CCDC141: variants seen among roughly 807,000 people sequenced by gnomAD.
CCDC141 encodes coiled-coil domain-containing protein 141.
In CCDC141, 168 loss-of-function variants were observed where a neutral mutation model predicts 181.0. The ratio of observed to expected loss-of-function variants is 0.93; its 90% confidence interval spans 0.82 to 1.05. CCDC141 has a LOEUF of 1.05. CCDC141 is among the 50% of genes least tolerant of loss of function. CCDC141 has a pLI of 0.00. For missense variants in CCDC141, 1,902 were observed against 1,788.5 expected (o/e 1.06, Z -1.14); for synonymous variants, 666 against 642.3 (o/e 1.04, Z -0.56).
chr2:178,956,417 C>A (rs1366834227), intron 5 of CCDC141, among the ~76,000 whole-genome samples: 1 of 152,176 alleles, frequency 6.6e-6, no homozygotes, highest in Non-Finnish European at 1.5e-5. Flanking sequence ...CCATCTCAGC[C>A]TCCCAAGTAT....
In CCDC141 at chr2:178,886,880, G is replaced by A. The variant is rs371418968; in HGVS notation, c.1408-9C>T. 1.4e-5 allele frequency: 20 copies of A among 1,391,534 alleles called. No individual in the cohort carries two copies. The East Asian group carries it at 5.1e-4, about 36-fold the overall frequency. The allele number at this position is 1,391,534 out of a possible 1,614,324, so 86.2% of individuals were successfully genotyped here. A position where few individuals can be genotyped will look rare whatever the true frequency, so the allele number is the denominator to read the frequency against. On this transcript the variant is annotated splice_polypyrimidine_tract_variant and intron_variant, in intron 9 of 23. Transcript: ENST00000443758. Reference sequence around the variant, plus strand: ...TGAATTGACATTTCCACCTTTAGGAGTGAATAATATATGGCAGTCTTAGTA... The same window carrying A: ...TGAATTGACATTTCCACCTTTAGGAATGAATAATATATGGCAGTCTTAGTA...
intron 7 of CCDC141, among the ~76,000 whole-genome samples, chr2:178,912,530 G>A (rs374205095): frequency 6.6e-5 from 10 of 152,152 alleles, no homozygotes; most frequent in African/African-American, 2.2e-4. Flanking sequence ...TACTTGCTGT[G>A]GTTTAAACAG....
rs2154380784 is a variant in CCDC141 at position 178,978,652 on chromosome 2, T to A, written c.249A>T (p.Glu83Asp). 1 of 1,543,108 alleles carries A rather than the reference T, an allele frequency of 6.5e-7. No individual in the cohort carries two copies. The highest frequency in any genetic ancestry group is 8.7e-7 in the Non-Finnish European group (1 of 1,144,004). Reference sequence around the variant, plus strand: ...CTGTCTTGTCTGCTTCCTGCAAGAGTTCCCATACCCGATCTTCCAAAGCCT... The same window carrying A: ...CTGTCTTGTCTGCTTCCTGCAAGAGATCCCATACCCGATCTTCCAAAGCCT... ...KLKALEDRVW[E>D]LLQEADKTAE... Residue 83 changes from glutamate to aspartate, a missense_variant, in exon 3 of 24, where the codon GAA becomes GAT. Transcript: ENST00000443758.
intron 2 of CCDC141, among the ~76,000 whole-genome samples, chr2:178,981,339 T>A (rs1019733975): frequency 6.6e-6 from 1 of 151,762 alleles, no homozygotes; most frequent in African/African-American, 2.4e-5. Context: ...ATAGGCCATA[T>A]CCTGGGCCAT....
chr2:178,876,744 C>T (rs1452968061), intron 12 of CCDC141: 3 of 151,950 alleles, frequency 2.0e-5, no homozygotes. Context: ...AGAATTAAAC[C>T]CAAGACAGAT....
Position 178,865,782 on chromosome 2 carries a change from T to C in CCDC141, c.2709A>G (p.Arg903=), listed in dbSNP as rs1268205964. The C allele has an allele frequency of 1.9e-6, 3 of 1,546,624 alleles. No individual in the cohort carries two copies. In the South Asian group the frequency reaches 3.8e-5, roughly 19 times the overall value. Residue 903 remains arginine (R), a synonymous_variant, in exon 17 of 24, where the codon AGA becomes AGG. Transcript: ENST00000443758. The part of the protein sequence containing the change: ...LSRSVEYCAM[R]DEINELKDSF... ...CCACACCCACCTCATTTATCTCGTC[T>C]CTCATGGCGCAGTACTCCACACTAC...
At position 178,869,301 on chromosome 2, in the gene CCDC141, A is replaced by G; in HGVS notation, c.2210T>C (p.Leu737Ser). Residue 737 changes from leucine (L) to serine (S), a missense_variant, in exon 15 of 24, where the codon TTG becomes TCG. Coordinates refer to ENST00000443758, the MANE Select transcript of CCDC141 (RefSeq NM_173648.4). ...WNDMKPQFQQ[L>S]NDEVQYIMKE... ...CATAATGTACTGAACCTCATCATTC[A>G]ATTGCTAAAACATTGAAAGCAATAA... 1 of 1,577,128 alleles carries G rather than the reference A, an allele frequency of 6.3e-7. No homozygotes were observed.
intron 2 of CCDC141, among the ~76,000 whole-genome samples, chr2:179,015,103 T>TATAA (rs1349211734): frequency 1.4e-4 from 4 of 28,212 alleles, no homozygotes; most frequent in Admixed American, 3.0e-4. Flanking sequence ...TATATATATA[T>TATAA]AATATATATA....
chr2:178,836,836 A>T, intron 23 of CCDC141, 58 bp downstream of exon 23: 1 of 1,550,140 alleles, frequency 6.5e-7, no homozygotes, highest in Non-Finnish European at 8.7e-7. Flanking sequence ...TCACAGAATG[A>T]TTTTTCTCTG....
intron 19 of CCDC141, among the ~76,000 whole-genome samples, chr2:178,854,428 G>A (rs1685296910): frequency 6.6e-6 from 1 of 152,180 alleles, no homozygotes; most frequent in South Asian, 2.1e-4. Flanking sequence ...GGAGGCTGAG[G>A]CAGGAGAATG....
In CCDC141 at chr2:179,015,251, ATC is replaced by A. The variant is rs1304511712; in HGVS notation, c.225+32031_225+32032del. ...TACCTCATATATATATCTCATATAT[ATC>A]TCATATATATCATATATATCTCATC... On this transcript the variant is annotated intron_variant, in intron 2 of 23. Coordinates refer to ENST00000443758, the MANE Select transcript of CCDC141 (RefSeq NM_173648.4). Among the ~76,000 whole-genome samples, 317 of 107,828 alleles carry A rather than the reference ATC, an allele frequency of 2.9e-3. 5 individuals are homozygous for A. Among genetic ancestry groups the A allele is most frequent in the African/African-American group, 9.8e-3 (290 of 29,608 alleles). 70.7% of individuals were successfully genotyped at this position (107,828 alleles called of 152,430 possible). A position where few individuals can be genotyped will look rare whatever the true frequency, so the allele number is the denominator to read the frequency against.
the CCDC141 span, among the ~76,000 whole-genome samples, chr2:178,815,853 G>T: frequency 3.9e-5 from 6 of 152,062 alleles, no homozygotes; most frequent in Admixed American, 3.9e-4. Context: ...CATGGATGCA[G>T]AACATGTGAG....
chr2:178,922,967 A>C (rs757314972), intron 6 of CCDC141, among the ~76,000 whole-genome samples: 2 of 152,172 alleles, frequency 1.3e-5, no homozygotes, highest in Non-Finnish European at 2.9e-5. Context: ...ATTTCTGTTC[A>C]ATCTTCTCAG....
intron 5 of CCDC141, among the ~76,000 whole-genome samples, chr2:178,956,455 C>A (rs567882346): frequency 1.3e-5 from 2 of 152,208 alleles, no homozygotes; most frequent in South Asian, 4.2e-4. Flanking sequence ...TGGCACCATG[C>A]CTGGCTAATT....
At position 178,872,225 on chromosome 2, in the gene CCDC141, G is replaced by A. The variant is rs1429575489; in HGVS notation, c.1987C>T (p.Leu663Phe). ...TGCCATGCCAGCCGAAGGAGGCTAA[G>A]TTCTTCCCGTTCTGCTTTCTGGTTT... is the stretch of plus-strand genomic sequence containing the variant. ...MENQKAEREELSLLRLAWQLK... is the reference protein window; with the variant it reads ...MENQKAEREEFSLLRLAWQLK... Residue 663 changes from leucine (L) to phenylalanine (F), a missense_variant, in exon 13 of 24, where the codon CTT (leucine) becomes TTT (phenylalanine). By Grantham distance (22) the Leu-to-Phe change is conservative. Coordinates refer to ENST00000443758, the MANE Select transcript of CCDC141 (RefSeq NM_173648.4). The A allele has an allele frequency of 1.9e-6, 3 of 1,614,056 alleles. No individual in the cohort carries two copies. In the South Asian group the frequency reaches 3.3e-5, roughly 18 times the overall value.
chr2:178,978,365 G>A (rs1441841510), intron 3 of CCDC141, 119 bp downstream of exon 3: 1 of 555,496 alleles, frequency 1.8e-6, no homozygotes, highest in Admixed American at 4.2e-5. Context: ...TGTATGTTTT[G>A]GTTATTCTGC....
intron 2 of CCDC141, among the ~76,000 whole-genome samples, chr2:179,031,188 T>C (rs1303037710): frequency 1.5e-5 from 2 of 133,634 alleles, no homozygotes; most frequent in African/African-American, 5.1e-5. Context: ...AACATATTAT[T>C]AAATTATTTT....
chr2:179,027,124 G>T (rs1272895576), intron 2 of CCDC141, among the ~76,000 whole-genome samples: 1 of 152,180 alleles, frequency 6.6e-6, no homozygotes, highest in Non-Finnish European at 1.5e-5. Context: ...CTGTTGGGAA[G>T]GCATGATTGG....
At chr2:178,937,094 C>T (rs910540138) in intron 6 of CCDC141, among the ~76,000 whole-genome samples, 2 of 152,090 alleles carry the variant, frequency 1.3e-5, no homozygotes, top group Non-Finnish European at 2.9e-5. Context: ...CTTTCTCTTG[C>T]CTGATTGTGC....
Sources: gnomAD v4.1 joint callset for allele counts (sites outside exome capture counted in the v4.1 genomes callset) on GRCh38, gnomAD v4.1.1 for gene constraint, MANE v1.5 for transcripts, NCBI Gene and HGNC (gene_info 2026-07-23, HGNC 2026-07-21) for gene names.